The following KIAA1217 variants were observed in gnomAD, a reference collection of about 807,000 sequenced individuals.
KIAA1217 encodes KIAA1217.
A neutral mutation model predicts 163.9 loss-of-function variants in KIAA1217; 88 were observed. The ratio of observed to expected loss-of-function variants is 0.54; its 90% CI spans 0.45 to 0.64. The LOEUF (loss-of-function observed/expected upper bound fraction) is 0.64, where lower values mean the gene tolerates loss of function less well. KIAA1217 is among the 30% of genes least tolerant of loss of function. The probability of loss-of-function intolerance (pLI) is 0.00; values close to 1 mark genes in which losing one functional copy is unlikely to be tolerated. For synonymous variants in KIAA1217, 903 were observed against 923.1 expected, an observed-to-expected ratio of 0.98 and a Z score of 0.39; for missense variants, 2,372 against 2,475.0, an observed-to-expected ratio of 0.96 and a Z score of 0.88.
At chr10:24,066,231 C>A (rs566893868) in intron 2 of KIAA1217, among the ~76,000 whole-genome samples, 1 of 152,274 alleles carries the variant, frequency 6.6e-6, no homozygotes, top group Non-Finnish European at 1.5e-5. Flanking sequence ...CAGTTTCTTC[C>A]TAGCCTTGAC....
intron 3 of KIAA1217, among the ~76,000 whole-genome samples, chr10:24,398,015 C>G (rs1223975768): frequency 6.6e-6 from 1 of 152,188 alleles, no homozygotes; most frequent in African/African-American, 2.4e-5. Context: ...ACAGTTGACC[C>G]TTGAACAACA....
intron 4 of KIAA1217, among the ~76,000 whole-genome samples, chr10:24,435,456 G>A (rs2059944964): frequency 1.3e-5 from 2 of 152,184 alleles, no homozygotes; most frequent in African/African-American, 4.8e-5. Flanking sequence ...TTACATTTCT[G>A]CCTTTGCAAT....
At chr10:23,952,443 G>T (rs1163051376) in intron 1 of KIAA1217, among the ~76,000 whole-genome samples, 6 of 152,120 alleles carry the variant, frequency 3.9e-5, no homozygotes, top group Non-Finnish European at 8.8e-5. Context: ...AACATGGGGG[G>T]CTATAATAAG....
intron 3 of KIAA1217, among the ~76,000 whole-genome samples, chr10:24,420,201 C>G (rs1205917568): frequency 2.0e-5 from 3 of 152,196 alleles, no homozygotes; most frequent in Non-Finnish European, 4.4e-5. Flanking sequence ...CACATCCTCA[C>G]CAGTACTTGA....
chr10:24,324,894 A>G (rs1267795633), intron 2 of KIAA1217, among the ~76,000 whole-genome samples: 1 of 152,124 alleles, frequency 6.6e-6, no homozygotes, highest in Non-Finnish European at 1.5e-5. Flanking sequence ...TCTTGCCCCT[A>G]TTCAGCGACT....
At chr10:24,229,730 G>A (rs991934571) in intron 2 of KIAA1217, among the ~76,000 whole-genome samples, 1 of 152,092 alleles carries the variant, frequency 6.6e-6, no homozygotes, top group Admixed American at 6.6e-5. Flanking sequence ...TATTGGCCAG[G>A]CTGGTCTCAA....
rs77655180 is a variant in KIAA1217, at chr10:23,717,179, G to A, written c.-321+21945G>A. Among the ~76,000 whole-genome samples, 187 of 152,092 alleles carry A rather than the reference G, an allele frequency of 1.2e-3. 12 individuals carry two copies. The East Asian group carries it at 0.027, about 22-fold the overall frequency. The stretch of plus-strand genomic sequence containing the variant: ...ACCTTTTTGTCATCTCTAGGTTTCC[G>A]TGAACTTAAAATGCTTCCTGGTATT... On this transcript the variant is annotated intron_variant, in intron 1 of 18. Coordinates refer to the KIAA1217 transcript ENST00000376462.
intron 1 of KIAA1217, among the ~76,000 whole-genome samples, chr10:23,723,781 A>G (rs541556400): frequency 6.6e-6 from 1 of 152,242 alleles, no homozygotes; most frequent in South Asian, 2.1e-4. Context: ...GATTTTTTTT[A>G]AAAAATGTTA....
At chr10:24,519,977 C>G (rs918017138) in intron 10 of KIAA1217, 146 bp from the exon 11 acceptor site, 12 of 854,166 alleles carry the variant, frequency 1.4e-5, no homozygotes, top group Admixed American at 2.5e-5. Flanking sequence ...GATGAGCGAC[C>G]CCCCTCCACC....
Position 24,253,821 on chromosome 10 carries a change from G to A in KIAA1217, c.354+33912G>A, listed in dbSNP as rs12220603. On this transcript the variant is annotated intron_variant, in intron 2 of 20. Transcript: ENST00000376454. ...TCCCAGCTGCTCGGGAGGTTGAAGC[G>A]GGAGGATCACCTGAGCCCAGGAGGT... Among the ~76,000 whole-genome samples, 1,191 of 151,782 alleles carry A rather than the reference G, an allele frequency of 7.8e-3. 27 individuals are homozygous for A. The East Asian group carries it at 0.097, about 12-fold the overall frequency.
intron 3 of KIAA1217, among the ~76,000 whole-genome samples, chr10:24,382,772 G>T (rs1306107655): frequency 6.6e-6 from 1 of 151,758 alleles, no homozygotes; most frequent in Non-Finnish European, 1.5e-5. Context: ...GTGTCAAGAT[G>T]ACACAGGCTT....
At chr10:23,784,344 C>G (rs553130864) in intron 1 of KIAA1217, among the ~76,000 whole-genome samples, 3 of 152,180 alleles carry the variant, frequency 2.0e-5, no homozygotes, top group African/African-American at 4.8e-5. Flanking sequence ...TAAAGTGTGT[C>G]TCTTATAGTC....
intron 1 of KIAA1217, among the ~76,000 whole-genome samples, chr10:23,764,206 C>A (rs1834401647): frequency 6.6e-6 from 1 of 152,116 alleles, no homozygotes; most frequent in Admixed American, 6.5e-5. Context: ...TGAAAAAAAG[C>A]TGAACATCAC....
intron 2 of KIAA1217, among the ~76,000 whole-genome samples, chr10:24,189,828 C>A (rs1050802447): frequency 9.9e-5 from 15 of 152,150 alleles, no homozygotes; most frequent in African/African-American, 3.6e-4. Flanking sequence ...CCAGCCGGGG[C>A]AGCCTAGTGA....
In KIAA1217 at chr10:23,884,457, A is replaced by G. The variant is rs533544911; in HGVS notation, c.-320-122768A>G. Among the ~76,000 whole-genome samples the G allele has an allele frequency of 2.0e-5, 3 of 152,080 alleles. No homozygotes were observed. In the East Asian group the frequency reaches 5.9e-4, roughly 30 times the overall value. On this transcript the variant is annotated intron_variant, in intron 1 of 18. Coordinates refer to the KIAA1217 transcript ENST00000376462. ...AGAGAAATCTAACCACTGAAAATAC[A>G]AGGGAAGTATACTGTCAGTCTAACG... is the stretch of plus-strand genomic sequence containing the variant.
chr10:23,767,179 C>T (rs772413439), intron 1 of KIAA1217, among the ~76,000 whole-genome samples: 1 of 152,086 alleles, frequency 6.6e-6, no homozygotes, highest in Non-Finnish European at 1.5e-5. Flanking sequence ...GCTATGAATA[C>T]GTATAAAGTG....
intron 2 of KIAA1217, among the ~76,000 whole-genome samples, chr10:24,095,939 C>T (rs150675671): frequency 3.3e-5 from 5 of 152,154 alleles, no homozygotes; most frequent in South Asian, 2.1e-4. Context: ...GACCTGTCTC[C>T]GAAAAACAAA....
chr10:24,126,815 A>G (rs1305704353), intron 2 of KIAA1217, among the ~76,000 whole-genome samples: 1 of 151,878 alleles, frequency 6.6e-6, no homozygotes, highest in African/African-American at 2.4e-5. Flanking sequence ...ACTTTTCACT[A>G]TCCTCTTATG....
chr10:23,938,966 T>C (rs1010545708), intron 1 of KIAA1217, among the ~76,000 whole-genome samples: 48 of 152,298 alleles, frequency 3.2e-4, no homozygotes, highest in African/African-American at 1.1e-3. Context: ...AGAATTAGTG[T>C]ATTAGGACAT....
Sources: gnomAD v4.1 joint callset for allele counts (sites outside exome capture counted in the v4.1 genomes callset) on GRCh38, gnomAD v4.1.1 for gene constraint, MANE v1.5 for transcripts, NCBI Gene and HGNC (gene_info 2026-07-23, HGNC 2026-07-21) for gene names.